SNTB2: variants seen among roughly 807,000 people sequenced by gnomAD.
The protein encoded by SNTB2 is syntrophin beta 2.
Under a neutral mutation model 46.2 loss-of-function variants are expected in SNTB2, and 34 were observed. The ratio of observed to expected loss-of-function variants is 0.74; its 90% CI spans 0.56 to 0.98. SNTB2 has a LOEUF of 0.98. SNTB2 is among the 50% of genes least tolerant of loss of function. The pLI, the probability that SNTB2 is intolerant of heterozygous loss-of-function variation, is 0.00. For missense variants in SNTB2, 603 were observed against 731.4 expected (o/e 0.82, Z 2.02); for synonymous variants, 290 against 312.6 (o/e 0.93, Z 0.76).
intron 1 of SNTB2, among the ~76,000 whole-genome samples, chr16:69,217,340 G>A (rs1964359305): frequency 6.6e-6 from 1 of 152,058 alleles, no homozygotes; most frequent in Non-Finnish European, 1.5e-5. Context: ...CGAACATTGT[G>A]GCATGCACCT....
At chr16:69,281,484 G>GTT (rs1965043374) in intron 4 of SNTB2, among the ~76,000 whole-genome samples, 7 of 131,752 alleles carry the variant, frequency 5.3e-5, no homozygotes, top group Non-Finnish European at 1.2e-4. Flanking sequence ...TGTAAGGTCT[G>GTT]GTTTTTTTTT....
At chr16:69,257,612 A>AT (rs1393101594) in intron 2 of SNTB2, among the ~76,000 whole-genome samples, 21 of 151,814 alleles carry the variant, frequency 1.4e-4, no homozygotes, top group African/African-American at 5.1e-4. Context: ...CGCCCGGCTA[A>AT]TTTTTTGTGT....
chr16:69,206,329 G>A (rs1027152724), intron 1 of SNTB2, among the ~76,000 whole-genome samples: 15 of 151,980 alleles, frequency 9.9e-5, no homozygotes, highest in South Asian at 4.2e-4. Context: ...TTTGTTTAGC[G>A]ATCATTATTA....
chr16:69,202,333 A>G (rs1242479392), intron 1 of SNTB2, among the ~76,000 whole-genome samples: 1 of 150,834 alleles, frequency 6.6e-6, no homozygotes, highest in Non-Finnish European at 1.5e-5. Context: ...TTCTTAGTTT[A>G]TAATGGAAAA....
In SNTB2 at chr16:69,233,977, G is replaced by A. The variant is rs78333469; in HGVS notation, c.581-11625G>A. Among the ~76,000 whole-genome samples the A allele has an allele frequency of 8.3e-3, 1,269 of 152,004 alleles. 6 individuals are homozygous for A. The highest frequency in any genetic ancestry group is 0.015 in the Non-Finnish European group (1,014 of 67,992). On this transcript the variant is annotated intron_variant, in intron 1 of 6. Transcript: ENST00000336278. ...GGACAACAGAATGAGCTATGATTGTGCCACTGCACTCCGACCTGGACAACA... is the reference window on the plus strand; with the variant it reads ...GGACAACAGAATGAGCTATGATTGTACCACTGCACTCCGACCTGGACAACA...
chr16:69,275,842 A>G (rs1014105102), intron 4 of SNTB2, among the ~76,000 whole-genome samples: 2 of 152,254 alleles, frequency 1.3e-5, no homozygotes, highest in Non-Finnish European at 2.9e-5. Context: ...ATGTTAAAAA[A>G]AGTAGATAAC....
At chr16:69,200,126 G>A (rs1015268391) in intron 1 of SNTB2, among the ~76,000 whole-genome samples, 7 of 152,134 alleles carry the variant, frequency 4.6e-5, no homozygotes, top group African/African-American at 1.2e-4. Context: ...GTGTTAGCCA[G>A]GATGGTCTCA....
intron 1 of SNTB2, among the ~76,000 whole-genome samples, chr16:69,197,772 G>A (rs1964118595): frequency 6.6e-6 from 1 of 152,100 alleles, no homozygotes. Flanking sequence ...GTAATTGTTG[G>A]CCAGTAAAAG....
At chr16:69,254,794 T>C (rs1964757322) in intron 2 of SNTB2, among the ~76,000 whole-genome samples, 1 of 152,082 alleles carries the variant, frequency 6.6e-6, no homozygotes, top group African/African-American at 2.4e-5. Context: ...CCTGGCAACA[T>C]AGTGAGACCC....
intron 1 of SNTB2, among the ~76,000 whole-genome samples, chr16:69,215,197 A>G (rs1222847612): frequency 6.6e-6 from 1 of 152,190 alleles, no homozygotes; most frequent in Non-Finnish European, 1.5e-5. Flanking sequence ...CATCCTGGGT[A>G]ATGCAGTGAG....
At chr16:69,198,803 T>G (rs1472108837) in intron 1 of SNTB2, among the ~76,000 whole-genome samples, 1 of 152,158 alleles carries the variant, frequency 6.6e-6, no homozygotes, top group Admixed American at 6.6e-5. Flanking sequence ...AGCTCATATT[T>G]TACAATTCTA....
chr16:69,226,372 A>G (rs1215528002), intron 1 of SNTB2, among the ~76,000 whole-genome samples: 2 of 150,968 alleles, frequency 1.3e-5, no homozygotes, highest in South Asian at 4.2e-4. Context: ...TGCCCACCCT[A>G]TGATTCTTAA....
At chr16:69,271,242 T>C (rs1964934469) in intron 4 of SNTB2, among the ~76,000 whole-genome samples, 1 of 152,186 alleles carries the variant, frequency 6.6e-6, no homozygotes, top group African/African-American at 2.4e-5. Context: ...GAGCTGGAGC[T>C]CCTAGATCAC....
intron 1 of SNTB2, among the ~76,000 whole-genome samples, chr16:69,236,462 G>A (rs1964561599): frequency 6.6e-6 from 1 of 152,080 alleles, no homozygotes; most frequent in African/African-American, 2.4e-5. Flanking sequence ...AAATTCATAA[G>A]GACAGAAAGT....
chr16:69,259,972 G>A (rs1029786706), intron 2 of SNTB2, 78 bp from the exon 3 acceptor site: 23 of 985,736 alleles, frequency 2.3e-5, no homozygotes, highest in Non-Finnish European at 3.5e-5. Flanking sequence ...AAATAGATTT[G>A]CAGTTATGTA....
At chr16:69,259,900 G>A (rs547225344) in intron 2 of SNTB2, 150 bp from the exon 3 acceptor site, 11 of 691,020 alleles carry the variant, frequency 1.6e-5, no homozygotes, top group South Asian at 1.4e-4. Context: ...ATGAGCCACC[G>A]TGCCCAGCCA....
At chr16:69,219,825 A>G (rs1193304557) in intron 1 of SNTB2, among the ~76,000 whole-genome samples, 1 of 152,022 alleles carries the variant, frequency 6.6e-6, no homozygotes, top group African/African-American at 2.4e-5. Context: ...ATCTTGGCTC[A>G]CTGCAACCTC....
At chr16:69,215,945 G>A (rs991307457) in intron 1 of SNTB2, among the ~76,000 whole-genome samples, 6 of 152,058 alleles carry the variant, frequency 3.9e-5, no homozygotes, top group Non-Finnish European at 7.4e-5. Context: ...TAGGACCACC[G>A]GTATGCACCA....
intron 3 of SNTB2, among the ~76,000 whole-genome samples, chr16:69,261,729 A>C (rs1964836437): frequency 6.6e-6 from 1 of 152,188 alleles, no homozygotes; most frequent in African/African-American, 2.4e-5. Context: ...GGCATTGTTC[A>C]AAATCCTCAT....
Sources: allele counts gnomAD v4.1 joint callset (sites outside exome capture counted in the v4.1 genomes callset), GRCh38; gene constraint gnomAD v4.1.1; transcripts MANE v1.5; gene names NCBI Gene and HGNC (gene_info 2026-07-23, HGNC 2026-07-21).